FAR2: variants seen among roughly 807,000 people sequenced by gnomAD.
FAR2 encodes the protein epididymis secretory protein Li 81.
In FAR2, 19 loss-of-function variants were observed where a neutral mutation model predicts 56.0. The observed-to-expected ratio is 0.34, with a 90% confidence interval of 0.24 to 0.50. FAR2 has a LOEUF of 0.50. FAR2 is among the 20% of genes least tolerant of loss of function. The pLI, the probability that FAR2 is intolerant of heterozygous loss-of-function variation, is 0.98. For synonymous variants in FAR2, 219 were observed against 218.8 expected, an observed-to-expected ratio of 1.00 and a Z score of -0.01; for missense variants, 508 against 642.2, an observed-to-expected ratio of 0.79 and a Z score of 2.26.
chr12:29,310,917 G>T, intron 6 of FAR2, 111 bp from the exon 7 acceptor site: 1 of 795,002 alleles, frequency 1.3e-6, no homozygotes. Flanking sequence ...GTGGATCAAT[G>T]TTAGCTGTTT....
At chr12:29,251,091 C>G (rs1340564164) in intron 1 of FAR2, among the ~76,000 whole-genome samples, 2 of 152,100 alleles carry the variant, frequency 1.3e-5, no homozygotes, top group Non-Finnish European at 2.9e-5. Context: ...TAGGATGTTC[C>G]TAGAAGTGAA....
chr12:29,293,383 T>C lies in FAR2; in HGVS notation c.273T>C (p.Phe91=). 6.2e-7 allele frequency: 1 copy of C among 1,613,170 alleles called. No homozygotes were observed. The highest frequency in any genetic ancestry group is 1.3e-5 in the African/African-American group (1 of 74,988). The change falls in exon 3 of 12, where the codon TTT becomes TTC. Residue 91 remains phenylalanine, a synonymous_variant. Coordinates refer to ENST00000536681, the MANE Select transcript of FAR2 (RefSeq NM_001271783.2). ...AIYADLNQND[F]AISKEDMQEL... is the part of the protein sequence containing the mutation. ...ATGCAGATCTCAATCAGAATGACTT[T>C]GCCATCAGCAAAGAGGACATGCAGG...
At chr12:29,303,574 G>A (rs935356851) in intron 4 of FAR2, among the ~76,000 whole-genome samples, 2 of 152,152 alleles carry the variant, frequency 1.3e-5, no homozygotes, top group African/African-American at 2.4e-5. Flanking sequence ...TGAGAGGCAG[G>A]GGAATGGAGG....
intron 2 of FAR2, among the ~76,000 whole-genome samples, chr12:29,281,748 A>C (rs1948787872): frequency 6.6e-6 from 1 of 152,200 alleles, no homozygotes; most frequent in Admixed American, 6.5e-5. Context: ...CACCTAAAAA[A>C]AAAAAAAAAC....
chr12:29,193,745 C>G (rs1159212538), intron 1 of FAR2, among the ~76,000 whole-genome samples: 1 of 152,174 alleles, frequency 6.6e-6, no homozygotes, highest in African/African-American at 2.4e-5. Context: ...TAAATTTTCA[C>G]CTCTTTTGGG....
chr12:29,201,795 T>C lies in FAR2; in HGVS notation c.-39+52388T>C, dbSNP rs552669505. 5.3e-5 allele frequency among the ~76,000 whole-genome samples: 8 copies of C among 152,282 alleles called. No individual in the cohort carries two copies. In the South Asian group the frequency reaches 1.7e-3, roughly 32 times the overall value. On this transcript the variant is annotated intron_variant, in intron 1 of 11. Transcript: ENST00000536681. ...GTAATTAATTAAAATTAAATAAAAA[T>C]AAAAACTCAATTTTCCAGTCACACT... is the stretch of plus-strand genomic sequence containing the variant.
At chr12:29,246,631 A>G (rs886268868) in intron 1 of FAR2, among the ~76,000 whole-genome samples, 3 of 152,140 alleles carry the variant, frequency 2.0e-5, no homozygotes, top group African/African-American at 4.8e-5. Flanking sequence ...ATTAAGAACT[A>G]TATCGCAGAG....
chr12:29,329,182 A>G (rs1949694665), intron 10 of FAR2, among the ~76,000 whole-genome samples: 1 of 152,238 alleles, frequency 6.6e-6, no homozygotes, highest in South Asian at 2.1e-4. Context: ...TCTTCAAACT[A>G]GTGTTTGAAA....
chr12:29,166,152 A>C (rs1401583332), intron 1 of FAR2, among the ~76,000 whole-genome samples: 1 of 152,232 alleles, frequency 6.6e-6, no homozygotes, highest in Non-Finnish European at 1.5e-5. Context: ...AAATGCTTTG[A>C]GAATTGTTAA....
chr12:29,294,144 AT>A (rs1196244256), intron 3 of FAR2, among the ~76,000 whole-genome samples: 2 of 152,324 alleles, frequency 1.3e-5, no homozygotes, highest in African/African-American at 4.8e-5. Context: ...TTTTTAAATT[AT>A]TTTAATGTTG....
intron 1 of FAR2, among the ~76,000 whole-genome samples, chr12:29,244,116 A>G (rs1948086840): frequency 1.3e-5 from 2 of 152,202 alleles, no homozygotes; most frequent in South Asian, 2.1e-4. Flanking sequence ...ATATTCCTGT[A>G]TGTTCTTTTT....
chr12:29,270,456 A>C lies in FAR2; in HGVS notation c.7A>C (p.Thr3Pro). MS[T>P]IAAFYGGKSI... Reference sequence around the variant, plus strand: ...TAAAAGAAAGGGAGGAATCATGTCCACAATTGCAGCTTTCTATGGCGGCAA... The same window carrying C: ...TAAAAGAAAGGGAGGAATCATGTCCCCAATTGCAGCTTTCTATGGCGGCAA... Residue 3 changes from threonine (T) to proline (P), a missense_variant, in exon 2 of 12, where the codon ACA (threonine) becomes CCA (proline). Transcript: ENST00000536681. 6.4e-7 allele frequency: 1 copy of C among 1,572,218 alleles called. No homozygotes were observed. The highest frequency in any genetic ancestry group is 8.7e-7 in the Non-Finnish European group (1 of 1,151,288).
chr12:29,249,612 A>C (rs1398947959), intron 1 of FAR2, among the ~76,000 whole-genome samples: 1 of 152,216 alleles, frequency 6.6e-6, no homozygotes, highest in Non-Finnish European at 1.5e-5. Context: ...TTTCCATCAC[A>C]ATTACTTTAG....
chr12:29,256,333 A>G (rs1423569395), intron 1 of FAR2, among the ~76,000 whole-genome samples: 1 of 152,146 alleles, frequency 6.6e-6, no homozygotes, highest in Non-Finnish European at 1.5e-5. Context: ...GATTACAGGC[A>G]TGTGCTACCA....
chr12:29,220,490 A>C (rs943747126), intron 1 of FAR2, among the ~76,000 whole-genome samples: 6 of 152,166 alleles, frequency 3.9e-5, no homozygotes, highest in African/African-American at 1.4e-4. Context: ...AGAAATCTAC[A>C]ATTTGAGCTT....
chr12:29,217,698 T>C (rs1461124055), intron 1 of FAR2, among the ~76,000 whole-genome samples: 1 of 152,170 alleles, frequency 6.6e-6, no homozygotes, highest in Admixed American at 6.5e-5. Context: ...GAAAACAGTA[T>C]GCCTCTCTGG....
intron 1 of FAR2, among the ~76,000 whole-genome samples, chr12:29,241,728 GAA>G (rs1565484648): frequency 2.0e-5 from 3 of 152,098 alleles, no homozygotes; most frequent in African/African-American, 7.2e-5. Flanking sequence ...CCTTCAAAAC[GAA>G]AAGTCTCCTG....
chr12:29,326,240 T>G (rs1264218368), intron 10 of FAR2, among the ~76,000 whole-genome samples: 17 of 143,702 alleles, frequency 1.2e-4, no homozygotes, highest in East Asian at 8.4e-4. Context: ...TAACAGGCTC[T>G]GAAATTGAGG....
intron 1 of FAR2, among the ~76,000 whole-genome samples, chr12:29,171,166 G>A (rs1365372649): frequency 6.6e-6 from 1 of 152,222 alleles, no homozygotes; most frequent in Non-Finnish European, 1.5e-5. Flanking sequence ...AGAAAGCCAT[G>A]CCAGTGTCCA....
Sources: allele counts gnomAD v4.1 joint callset (sites outside exome capture counted in the v4.1 genomes callset), GRCh38; gene constraint gnomAD v4.1.1; transcripts MANE v1.5; gene names NCBI Gene and HGNC (gene_info 2026-07-23, HGNC 2026-07-21).